PDS5B: variants seen among roughly 807,000 people sequenced by gnomAD.
PDS5B encodes the protein PDS5 cohesin associated factor B, also known as sister chromatid cohesion protein PDS5 homolog B.
PDS5B carries 51 observed loss-of-function variants against 184.1 expected under a neutral mutation model. That is an observed-to-expected ratio of 0.28 (90% CI 0.22 to 0.35). PDS5B has a LOEUF of 0.35. Ranked by LOEUF, PDS5B falls within the 10% of genes least tolerant of loss-of-function variation. The pLI, the probability that PDS5B is intolerant of heterozygous loss-of-function variation, is 1.00. For synonymous variants in PDS5B, 566 were observed against 569.2 expected (o/e 0.99, Z 0.08); for missense variants, 1,180 against 1,723.3 (o/e 0.68, Z 5.58).
intron 11 of PDS5B, among the ~76,000 whole-genome samples, chr13:32,684,783 A>G (rs1029352722): frequency 1.3e-5 from 2 of 152,130 alleles, no homozygotes; most frequent in African/African-American, 2.4e-5. Context: ...AGGCCTGCCT[A>G]TTGGTTGTTG....
chr13:32,730,878 C>T (rs759642095), intron 19 of PDS5B, among the ~76,000 whole-genome samples: 3 of 152,144 alleles, frequency 2.0e-5, no homozygotes, highest in Non-Finnish European at 4.4e-5. Context: ...AATATACAAT[C>T]GTGTTATCTG....
chr13:32,633,442 C>T (rs565163208), intron 1 of PDS5B, among the ~76,000 whole-genome samples: 1 of 152,246 alleles, frequency 6.6e-6, no homozygotes, highest in East Asian at 1.9e-4. Flanking sequence ...ACCAGCTATC[C>T]GTGTTTGGAC....
intron 5 of PDS5B, 30 bp from the exon 6 acceptor site, chr13:32,659,124 A>C: frequency 6.7e-7 from 1 of 1,498,444 alleles, no homozygotes; most frequent in Non-Finnish European, 9.0e-7. Context: ...TCTCAGTTGT[A>C]ATTGAAACAA....
chr13:32,606,253 G>T (rs1393831907), intron 1 of PDS5B, among the ~76,000 whole-genome samples: 1 of 152,160 alleles, frequency 6.6e-6, no homozygotes, highest in Non-Finnish European at 1.5e-5. Context: ...CTCTTGTACG[G>T]CAGGCCTGGT....
chr13:32,759,950 A>T (rs554543130), intron 29 of PDS5B, among the ~76,000 whole-genome samples: 18 of 149,434 alleles, frequency 1.2e-4, no homozygotes, highest in African/African-American at 4.4e-4. Flanking sequence ...ATATCAAGAT[A>T]AAAAAAATCT....
At chr13:32,681,368 A>G (rs933654096) in intron 10 of PDS5B, among the ~76,000 whole-genome samples, 3 of 152,162 alleles carry the variant, frequency 2.0e-5, no homozygotes, top group Non-Finnish European at 2.9e-5. Flanking sequence ...CATGCCTGTA[A>G]TCCCTGCACT....
intron 6 of PDS5B, among the ~76,000 whole-genome samples, chr13:32,659,864 T>C (rs2140703128): frequency 6.6e-6 from 1 of 152,268 alleles, no homozygotes. Context: ...AGTGTAGTTA[T>C]CTGTGCAAAT....
intron 1 of PDS5B, among the ~76,000 whole-genome samples, chr13:32,622,502 CTG>C (rs2058315745): frequency 6.6e-6 from 1 of 152,120 alleles, no homozygotes; most frequent in South Asian, 2.1e-4. Context: ...CTTGAAAAGA[CTG>C]TGTAAGGGTA....
chr13:32,736,343 GTCTGGAAAGA>G (rs1566391758), intron 21 of PDS5B, among the ~76,000 whole-genome samples: 2 of 151,230 alleles, frequency 1.3e-5, no homozygotes, highest in Non-Finnish European at 3.0e-5. Context: ...GTTTTTGTTT[GTCTGGAAAGA>G]TCTTTATTTT....
chr13:32,725,074 T>C (rs1444658468), intron 19 of PDS5B, among the ~76,000 whole-genome samples: 1 of 152,230 alleles, frequency 6.6e-6, no homozygotes, highest in African/African-American at 2.4e-5. Context: ...GATATTCTTA[T>C]TGTCATTCTT....
At chr13:32,608,961 C>G (rs1209813539) in intron 1 of PDS5B, among the ~76,000 whole-genome samples, 1 of 152,170 alleles carries the variant, frequency 6.6e-6, no homozygotes, top group East Asian at 1.9e-4. Context: ...ATGGAAATTT[C>G]TTTTGAGGCG....
At chr13:32,616,528 A>G (rs2058222414) in intron 1 of PDS5B, among the ~76,000 whole-genome samples, 1 of 152,192 alleles carries the variant, frequency 6.6e-6, no homozygotes, top group South Asian at 2.1e-4. Context: ...ATTGAAGGAC[A>G]TGTAGGTATT....
At chr13:32,597,777 G>T (rs796527369) in intron 1 of PDS5B, among the ~76,000 whole-genome samples, 4 of 151,604 alleles carry the variant, frequency 2.6e-5, no homozygotes, top group African/African-American at 9.7e-5. Flanking sequence ...AACCTGGGAG[G>T]CAGAGGTTGC....
chr13:32,773,856 T>C (rs1220469074), intron 34 of PDS5B, among the ~76,000 whole-genome samples: 5 of 152,144 alleles, frequency 3.3e-5, no homozygotes, highest in East Asian at 3.9e-4. Context: ...GGCTGGAGTA[T>C]AGTGGCGCAC....
chr13:32,623,900 C>G (rs1241838714), intron 1 of PDS5B, among the ~76,000 whole-genome samples: 1 of 152,092 alleles, frequency 6.6e-6, no homozygotes, highest in Non-Finnish European at 1.5e-5. Flanking sequence ...CAACCTCCAC[C>G]TCCTGGGTTC....
chr13:32,713,061 CATGTG>C (rs1260320167), intron 19 of PDS5B, among the ~76,000 whole-genome samples: 1 of 152,170 alleles, frequency 6.6e-6, no homozygotes, highest in East Asian at 1.9e-4. Flanking sequence ...CCTGTCATAA[CATGTG>C]ATGTACCCAT....
At chr13:32,612,453 G>A (rs957393637) in intron 1 of PDS5B, among the ~76,000 whole-genome samples, 1 of 152,142 alleles carries the variant, frequency 6.6e-6, no homozygotes, top group Non-Finnish European at 1.5e-5. Flanking sequence ...CAGCTCGGTG[G>A]TTTAGTATAT....
intron 1 of PDS5B, among the ~76,000 whole-genome samples, chr13:32,609,023 T>C (rs1215421563): frequency 6.6e-6 from 1 of 152,226 alleles, no homozygotes; most frequent in Non-Finnish European, 1.5e-5. Flanking sequence ...GGGTAGTTGC[T>C]ACCTAGCTAG....
chr13:32,607,295 T>G (rs1189217963), intron 1 of PDS5B, among the ~76,000 whole-genome samples: 1 of 152,250 alleles, frequency 6.6e-6, no homozygotes, highest in Non-Finnish European at 1.5e-5. Context: ...GACCCTCAGC[T>G]GCAGGTCTGT....
Sources: gnomAD v4.1 joint callset for allele counts (sites outside exome capture counted in the v4.1 genomes callset) on GRCh38, gnomAD v4.1.1 for gene constraint, MANE v1.5 for transcripts, NCBI Gene and HGNC (gene_info 2026-07-23, HGNC 2026-07-21) for gene names.